Variants in CAPN13 observed in about 807,000 individuals in gnomAD.
CAPN13 encodes calpain-13.
A neutral mutation model predicts 98.4 loss-of-function variants in CAPN13; 90 were observed. The observed-to-expected ratio is 0.92, with a 90% confidence interval of 0.77 to 1.09. CAPN13 has a LOEUF of 1.09. CAPN13 is among the 50% of genes least tolerant of loss of function. The pLI is 0.00. For missense variants in CAPN13, 887 were observed against 841.3 expected, an observed-to-expected ratio of 1.05 and a Z score of -0.67; for synonymous variants, 330 against 305.5, an observed-to-expected ratio of 1.08 and a Z score of -0.84.
chr2:30,791,132 G>A (rs1674587438), intron 1 of CAPN13, among the ~76,000 whole-genome samples: 1 of 152,250 alleles, frequency 6.6e-6, no homozygotes, highest in African/African-American at 2.4e-5. Context: ...CAGGAAGTGT[G>A]CAGATCAAAG....
intron 2 of CAPN13, among the ~76,000 whole-genome samples, chr2:30,778,355 T>C (rs768183158): frequency 2.6e-5 from 4 of 152,092 alleles, no homozygotes; most frequent in Non-Finnish European, 5.9e-5. Flanking sequence ...GGCACCAAAA[T>C]TGTGAGAGTT....
chr2:30,799,351 G>T (rs919717162), intron 1 of CAPN13, among the ~76,000 whole-genome samples: 1 of 152,198 alleles, frequency 6.6e-6, no homozygotes, highest in African/African-American at 2.4e-5. Context: ...GAACTTAACC[G>T]CCAGACCAGT....
intron 11 of CAPN13, among the ~76,000 whole-genome samples, chr2:30,747,453 C>G (rs1671970380): frequency 6.6e-6 from 1 of 152,318 alleles, no homozygotes; most frequent in Admixed American, 6.5e-5. Context: ...CTCTGGAGGC[C>G]AAGGGTGAGC....
intron 10 of CAPN13, among the ~76,000 whole-genome samples, chr2:30,752,373 T>C (rs955184783): frequency 6.6e-6 from 1 of 152,176 alleles, no homozygotes; most frequent in Non-Finnish European, 1.5e-5. Flanking sequence ...CACAGGGAGC[T>C]ATTTCACTCA....
intron 2 of CAPN13, 85 bp downstream of exon 2, chr2:30,787,043 G>A: frequency 9.2e-7 from 1 of 1,088,244 alleles, no homozygotes; most frequent in Non-Finnish European, 1.3e-6. Context: ...GTTTGGTTTG[G>A]CTCCACCTCC....
intron 22 of CAPN13, 149 bp downstream of exon 22, chr2:30,730,581 C>A: frequency 1.8e-6 from 1 of 556,272 alleles, no homozygotes; most frequent in East Asian, 3.1e-5. Flanking sequence ...ACTCAAGGGC[C>A]TTGAGCAGCT....
rs145303106 is a variant in CAPN13 at position 30,760,979 on chromosome 2, G to A, written c.774+2103C>T. ...CTTCCTCAAATGAATTATCCCGAAT[G>A]CCAGTTCCACTGGCCATTAACAGTT... On this transcript the variant is annotated intron_variant, in intron 7 of 22. Coordinates refer to ENST00000295055, the MANE Select transcript of CAPN13 (RefSeq NM_144575.3). Among the ~76,000 whole-genome samples the A allele has an allele frequency of 3.8e-3, 581 of 152,352 alleles. 4 individuals carry two copies. Among genetic ancestry groups the A allele is most frequent in the African/African-American group, 0.013 (548 of 41,590 alleles).
chr2:30,773,236 C>T (rs1039173557), intron 4 of CAPN13, among the ~76,000 whole-genome samples: 4 of 152,134 alleles, frequency 2.6e-5, no homozygotes, highest in Non-Finnish European at 5.9e-5. Context: ...TACAAGACAA[C>T]GAAACAATGT....
intron 14 of CAPN13, 115 bp downstream of exon 14, chr2:30,742,211 G>A (rs1047230945): frequency 6.2e-6 from 8 of 1,291,998 alleles, no homozygotes; most frequent in South Asian, 1.3e-5. Context: ...GCCTATCATG[G>A]TGTCTCTCTT....
intron 4 of CAPN13, among the ~76,000 whole-genome samples, 173 bp from the exon 5 acceptor site, chr2:30,770,622 C>T (rs1210349238): frequency 5.3e-5 from 8 of 152,302 alleles, no homozygotes; most frequent in East Asian, 1.9e-4. Flanking sequence ...TCATCTCAAC[C>T]GGCAGATGGA....
intron 10 of CAPN13, among the ~76,000 whole-genome samples, chr2:30,752,459 T>C (rs555887694): frequency 6.6e-6 from 1 of 152,282 alleles, no homozygotes; most frequent in Non-Finnish European, 1.5e-5. Flanking sequence ...ACAAGATTCA[T>C]CTCAGGGGAG....
chr2:30,804,036 G>A (rs1675455513), intron 1 of CAPN13, among the ~76,000 whole-genome samples: 1 of 152,208 alleles, frequency 6.6e-6, no homozygotes, highest in Non-Finnish European at 1.5e-5. Flanking sequence ...AACAGGGTTT[G>A]TGCAAAGCAA....
At chr2:30,792,676 G>C (rs1358913565) in intron 1 of CAPN13, among the ~76,000 whole-genome samples, 1 of 151,892 alleles carries the variant, frequency 6.6e-6, no homozygotes, top group Non-Finnish European at 1.5e-5. Context: ...TCAAAAAATA[G>C]AGGAGAAGGG....
At chr2:30,758,790 CCTTTCCTT>C (rs1672609923) in intron 7 of CAPN13, among the ~76,000 whole-genome samples, 1 of 100,626 alleles carries the variant, frequency 9.9e-6, no homozygotes, top group Non-Finnish European at 2.0e-5. Context: ...CCCTCCCTTT[CCTTTCCTT>C]CCTCCCTCCC....
chr2:30,774,827 C>G lies in CAPN13; in HGVS notation c.387+1103G>C, dbSNP rs145839067. Among the ~76,000 whole-genome samples, 521 of 152,156 alleles carry G rather than the reference C, an allele frequency of 3.4e-3. 7 individuals are homozygous for G. The highest frequency in any genetic ancestry group is 5.1e-3 in the Non-Finnish European group (347 of 67,960). ...TTTTAAAAAGCTAGCAGAACTTAAACATGATAAAAATAACATAAACTAGAA... is the reference window on the plus strand; with the variant it reads ...TTTTAAAAAGCTAGCAGAACTTAAAGATGATAAAAATAACATAAACTAGAA... On this transcript the variant is annotated intron_variant, in intron 4 of 22. Coordinates refer to ENST00000295055, the MANE Select transcript of CAPN13 (RefSeq NM_144575.3).
chr2:30,757,403 A>T (rs550565470), intron 8 of CAPN13, among the ~76,000 whole-genome samples: 1 of 152,206 alleles, frequency 6.6e-6, no homozygotes, highest in Non-Finnish European at 1.5e-5. Flanking sequence ...CCCCCATGGG[A>T]CATCTTAGCT....
At chr2:30,763,281 G>A in intron 6 of CAPN13, 125 bp from the exon 7 acceptor site, 1 of 748,718 alleles carries the variant, frequency 1.3e-6, no homozygotes. Context: ...CTGGTATATG[G>A]CCTGGAACTC....
chr2:30,753,353 T>C (rs1672277132), intron 9 of CAPN13, among the ~76,000 whole-genome samples, 155 bp from the exon 10 acceptor site: 1 of 152,164 alleles, frequency 6.6e-6, no homozygotes, highest in Admixed American at 6.5e-5. Flanking sequence ...TTTTCAGTCC[T>C]TCTGCTCCAG....
intron 1 of CAPN13, among the ~76,000 whole-genome samples, chr2:30,801,858 G>A (rs1355975409): frequency 6.6e-6 from 1 of 152,154 alleles, no homozygotes; most frequent in Non-Finnish European, 1.5e-5. Flanking sequence ...AGCATTGACG[G>A]TGCCAGAATT....
Sources: gnomAD v4.1 joint callset for allele counts (sites outside exome capture counted in the v4.1 genomes callset) on GRCh38, gnomAD v4.1.1 for gene constraint, MANE v1.5 for transcripts, NCBI Gene and HGNC (gene_info 2026-07-23, HGNC 2026-07-21) for gene names.